Variants in CNIH3 observed in about 807,000 individuals in gnomAD.
CNIH3 encodes the protein protein cornichon homolog 3.
A neutral mutation model predicts 24.1 loss-of-function variants in CNIH3; 14 were observed. The ratio of observed to expected loss-of-function variants is 0.58; its 90% CI spans 0.38 to 0.91. The LOEUF is 0.91. Among genes scored for constraint, CNIH3 ranks in the 40% least tolerant of loss-of-function variants. CNIH3 has a pLI of 0.00. For synonymous variants in CNIH3, 68 were observed against 73.8 expected (o/e 0.92, Z 0.40); for missense variants, 178 against 196.8 (o/e 0.90, Z 0.57).
intron 1 of CNIH3, among the ~76,000 whole-genome samples, chr1:224,508,524 T>A (rs1359500273): frequency 6.6e-6 from 1 of 152,242 alleles, no homozygotes; most frequent in African/African-American, 2.4e-5. Context: ...AGGAACTCTT[T>A]ATGATAAAAT....
At chr1:224,730,303 A>G in intron 3 of CNIH3, 159 bp from the exon 4 acceptor site, 1 of 572,694 alleles carries the variant, frequency 1.7e-6, no homozygotes, top group Non-Finnish European at 3.1e-6. Flanking sequence ...CTTACCAGAA[A>G]TGGATCTGTG....
intron 3 of CNIH3, among the ~76,000 whole-genome samples, chr1:224,547,531 A>AG (rs1367399352): frequency 1.3e-5 from 2 of 151,988 alleles, no homozygotes; most frequent in Non-Finnish European, 2.9e-5. Flanking sequence ...GTAATAATTA[A>AG]GGGGGGTGAA....
At chr1:224,647,334 A>G (rs12118224) in intron 1 of CNIH3, among the ~76,000 whole-genome samples, 31,646 of 152,180 alleles carry the variant, frequency 0.21, 3,333 homozygotes, top group East Asian at 0.32. Context: ...GGGGGCTTGA[A>G]TTCCTCCGAT....
intron 4 of CNIH3, chr1:224,566,390 A>G (rs1043726618): frequency 6.8e-5 from 10 of 147,596 alleles, no homozygotes; most frequent in African/African-American, 2.6e-4. Context: ...TTTAAATTAT[A>G]CTTTAAGTTC....
At chr1:224,574,540 T>A in intron 4 of CNIH3, 1 of 733,994 alleles carries the variant, frequency 1.4e-6, no homozygotes, top group South Asian at 1.5e-5. Flanking sequence ...AAGGTGGCCA[T>A]TAATGTTGGG....
At chr1:224,560,142 A>G (rs757529942) in intron 3 of CNIH3, among the ~76,000 whole-genome samples, 10 of 152,248 alleles carry the variant, frequency 6.6e-5, no homozygotes, top group Non-Finnish European at 1.3e-4. Context: ...CATTTGCTTC[A>G]TATTAATAAT....
intron 1 of CNIH3, among the ~76,000 whole-genome samples, chr1:224,639,879 C>T (rs1241696339): frequency 6.6e-6 from 1 of 152,136 alleles, no homozygotes; most frequent in South Asian, 2.1e-4. Flanking sequence ...TCTTTAAATC[C>T]ACTGATGACC....
At chr1:224,638,006 G>A (rs1684178339) in intron 1 of CNIH3, among the ~76,000 whole-genome samples, 1 of 152,240 alleles carries the variant, frequency 6.6e-6, no homozygotes, top group South Asian at 2.1e-4. Context: ...GGCATTTCCT[G>A]TTTATAATGT....
chr1:224,540,066 G>A (rs1359207641), downstream of CNIH3, among the ~76,000 whole-genome samples: 1 of 152,188 alleles, frequency 6.6e-6, no homozygotes, highest in East Asian at 1.9e-4. Context: ...TAATTGGGAG[G>A]CTGGCCTTGA....
At position 224,574,962 on chromosome 1, in the gene CNIH3, G is replaced by A. The variant is rs1680973579; in HGVS notation, n.517-8202G>A. The A allele has an allele frequency of 1.0e-5, 9 of 891,860 alleles. No homozygotes were observed. The South Asian group carries it at 1.2e-4, about 12-fold the overall frequency. 55.2% of individuals were successfully genotyped at this position (891,860 alleles called of 1,614,324 possible). ...GGTTGAGAGGATCTTAAACAAACCT[G>A]ACTTAAAGTATAAGTAGGTGGTTAA... On this transcript the variant is annotated intron_variant and non_coding_transcript_variant, in intron 4 of 5. Coordinates refer to the CNIH3 transcript ENST00000471578.
intron 4 of CNIH3, among the ~76,000 whole-genome samples, chr1:224,579,792 A>G (rs2125012529): frequency 6.6e-6 from 1 of 152,148 alleles, no homozygotes; most frequent in Non-Finnish European, 1.5e-5. Context: ...TGGCCACATG[A>G]GCTTTGCACA....
At chr1:224,465,434 C>A (rs547572195) in intron 1 of CNIH3, among the ~76,000 whole-genome samples, 43 of 152,346 alleles carry the variant, frequency 2.8e-4, no homozygotes, top group Non-Finnish European at 3.5e-4. Context: ...TAACTCATCA[C>A]AGTCTACCTT....
At chr1:224,709,277 C>T (rs1409173079) in intron 3 of CNIH3, among the ~76,000 whole-genome samples, 2 of 152,180 alleles carry the variant, frequency 1.3e-5, no homozygotes, top group Non-Finnish European at 2.9e-5. Context: ...CTCTCTCTCT[C>T]TTGAATTCCA....
At chr1:224,670,101 A>G (rs1455696856) in intron 1 of CNIH3, among the ~76,000 whole-genome samples, 1 of 152,190 alleles carries the variant, frequency 6.6e-6, no homozygotes, top group African/African-American at 2.4e-5. Context: ...TGAAGTGACA[A>G]GCTCCAGGTC....
At chr1:224,687,306 A>G (rs115111984) in intron 3 of CNIH3, among the ~76,000 whole-genome samples, 1 of 152,082 alleles carries the variant, frequency 6.6e-6, no homozygotes, top group African/African-American at 2.4e-5. Context: ...ATCATAACTC[A>G]CTGCAGCCTT....
At chr1:224,550,655 AGT>A (rs1558151443) in intron 3 of CNIH3, among the ~76,000 whole-genome samples, 1 of 152,326 alleles carries the variant, frequency 6.6e-6, no homozygotes, top group South Asian at 2.1e-4. Flanking sequence ...ATATCATCAA[AGT>A]GTGTAAACAC....
chr1:224,706,603 C>T (rs554481876), intron 3 of CNIH3, among the ~76,000 whole-genome samples: 2 of 152,170 alleles, frequency 1.3e-5, no homozygotes, highest in Non-Finnish European at 2.9e-5. Flanking sequence ...GGTGTCTCAG[C>T]TCCTTCAGCA....
At chr1:224,567,054 G>A (rs551658143) in intron 4 of CNIH3, among the ~76,000 whole-genome samples, 8 of 152,200 alleles carry the variant, frequency 5.3e-5, no homozygotes, top group African/African-American at 1.7e-4. Context: ...TGTAATGATC[G>A]CCATTCTAAC....
chr1:224,735,276 A>G (rs561856390), intron 5 of CNIH3, among the ~76,000 whole-genome samples: 6 of 152,340 alleles, frequency 3.9e-5, no homozygotes, highest in Admixed American at 1.3e-4. Flanking sequence ...CTGACTTTGC[A>G]GTCCTGTTTC....
Sources: allele counts gnomAD v4.1 joint callset (sites outside exome capture counted in the v4.1 genomes callset), GRCh38; gene constraint gnomAD v4.1.1; transcripts MANE v1.5; gene names NCBI Gene and HGNC (gene_info 2026-07-23, HGNC 2026-07-21).